The following PSMD9 variants were observed in gnomAD, a reference collection of about 807,000 sequenced individuals.
The protein encoded by PSMD9 is 26S proteasome non-ATPase regulatory subunit 9.
A neutral mutation model predicts 25.9 loss-of-function variants in PSMD9; 26 were observed. That is an observed-to-expected ratio of 1.00 (90% CI 0.73 to 1.39). PSMD9 has a LOEUF of 1.39. PSMD9 is among the 40% of genes most tolerant of loss of function. The pLI is 0.00. For missense variants in PSMD9, 303 were observed against 299.3 expected, an observed-to-expected ratio of 1.01 and a Z score of -0.09; for synonymous variants, 110 against 114.5, an observed-to-expected ratio of 0.96 and a Z score of 0.25.
chr12:121,892,026 C>CA (rs1317895814), intron 1 of PSMD9, among the ~76,000 whole-genome samples: 1 of 150,282 alleles, frequency 6.7e-6, no homozygotes, highest in Non-Finnish European at 1.5e-5. Flanking sequence ...GCACCAAAAA[C>CA]ACAAGCTACA....
At chr12:121,915,775 A>C in intron 4 of PSMD9, 81 bp from the exon 5 acceptor site, 2 of 1,234,704 alleles carry the variant, frequency 1.6e-6, no homozygotes, top group Non-Finnish European at 2.3e-6. Context: ...TTGATAGGCA[A>C]AAAATGGGAT....
chr12:121,907,171 G>A (rs1223438590), intron 4 of PSMD9, among the ~76,000 whole-genome samples: 4 of 151,640 alleles, frequency 2.6e-5, no homozygotes, highest in Non-Finnish European at 4.4e-5. Context: ...ACAGATTCAA[G>A]CGATTCTCCT....
chr12:121,906,886 A>AC (rs1405980952), intron 4 of PSMD9, among the ~76,000 whole-genome samples: 1 of 144,808 alleles, frequency 6.9e-6, no homozygotes, highest in Non-Finnish European at 1.6e-5. Context: ...GAATTGCTTG[A>AC]ACCCGGGAGG....
At chr12:121,906,775 C>T (rs1879567154) in intron 4 of PSMD9, among the ~76,000 whole-genome samples, 1 of 151,328 alleles carries the variant, frequency 6.6e-6, no homozygotes, top group Non-Finnish European at 1.5e-5. Context: ...GATCACGCCA[C>T]TGCACTCCAG....
intron 2 of PSMD9, among the ~76,000 whole-genome samples, chr12:121,896,408 T>C (rs144022655): frequency 0.019 from 2,918 of 151,764 alleles, 93 homozygotes; most frequent in African/African-American, 0.067. Context: ...AGGCAGAGGT[T>C]GCAAAGAGCC....
At chr12:121,913,868 G>A (rs993365322) in intron 4 of PSMD9, among the ~76,000 whole-genome samples, 3 of 151,572 alleles carry the variant, frequency 2.0e-5, no homozygotes, top group South Asian at 2.1e-4. Flanking sequence ...ATACATAGAA[G>A]TTTTAGATTT....
At chr12:121,912,081 C>T (rs370585609) in intron 4 of PSMD9, among the ~76,000 whole-genome samples, 1 of 149,762 alleles carries the variant, frequency 6.7e-6, no homozygotes, top group South Asian at 2.1e-4. Context: ...TCTCTGTTGC[C>T]AAGGCTGGAG....
intron 1 of PSMD9, among the ~76,000 whole-genome samples, chr12:121,891,801 G>A (rs973026037): frequency 2.6e-5 from 4 of 151,172 alleles, no homozygotes; most frequent in African/African-American, 4.9e-5. Flanking sequence ...AGCTACCCGG[G>A]AGGCTGATGC....
chr12:121,908,602 C>T (rs1466966364), intron 4 of PSMD9, among the ~76,000 whole-genome samples: 1 of 152,120 alleles, frequency 6.6e-6, no homozygotes, highest in Admixed American at 6.6e-5. Flanking sequence ...GGGTCCTTGC[C>T]TTGGGAGCAC....
chr12:121,898,175 A>C (rs1235157190), intron 2 of PSMD9: 1 of 152,208 alleles, frequency 6.6e-6, no homozygotes, highest in Non-Finnish European at 1.5e-5. Flanking sequence ...GAATCCCTTC[A>C]TGACTGAGGG....
In PSMD9 at chr12:121,917,622, G is replaced by A. The variant is rs770169672; in HGVS notation, c.*1311G>A. ...TTGGATACAGATACCAGCTTGCCTT[G>A]ATGGGATTGGTATTGCTGTGTGCTT... On this transcript the variant is annotated 3_prime_UTR_variant, in exon 6 of 6. Coordinates refer to ENST00000541212, the MANE Select transcript of PSMD9 (RefSeq NM_002813.7). 6.6e-6 allele frequency: 1 copy of A among 152,234 alleles called. No individual in the cohort carries two copies. The highest frequency in any genetic ancestry group is 2.1e-4 in the South Asian group (1 of 4,832). The allele number at this position is 152,234 out of a possible 1,614,324, so 9.4% of individuals were successfully genotyped here.
At chr12:121,909,830 T>A (rs1879666153) in intron 4 of PSMD9, among the ~76,000 whole-genome samples, 1 of 152,180 alleles carries the variant, frequency 6.6e-6, no homozygotes, top group African/African-American at 2.4e-5. Flanking sequence ...TGTTTGGCCG[T>A]AACAAACAGT....
In PSMD9 at chr12:121,915,933, A is replaced by G; in HGVS notation, c.633A>G (p.Lys211=). The change falls in exon 5 of 6, where the codon AAA becomes AAG. Residue 211 remains lysine (K), a synonymous_variant. Transcript: ENST00000541212. The stretch of plus-strand genomic sequence containing the variant: ...TTGTTCCAACACGCTGGGCAGGAAA[A>G]GGACTGCTGGGGTAAAGTATCTGTT... ...LRLVPTRWAG[K]GLLGCNIIPL... is the part of the protein sequence containing the mutation. The G allele has an allele frequency of 6.2e-7, 1 of 1,613,606 alleles. No individual in the cohort carries two copies. Among genetic ancestry groups the G allele is most frequent in the Non-Finnish European group, 8.5e-7 (1 of 1,179,750 alleles).
chr12:121,902,988 T>C lies in PSMD9; in HGVS notation c.454-18T>C. ...CTGAACCTCTAGCCTGATTTTCCAT[T>C]TTTCCTTCCCTCTCCAGGGTCTGCA... On this transcript the variant is annotated intron_variant, in intron 3 of 5. Coordinates refer to ENST00000541212, the MANE Select transcript of PSMD9 (RefSeq NM_002813.7). The C allele has an allele frequency of 6.2e-7, 1 of 1,608,184 alleles. No homozygotes were observed. Among genetic ancestry groups the C allele is most frequent in the Non-Finnish European group, 8.5e-7 (1 of 1,174,818 alleles).
intron 2 of PSMD9, chr12:121,897,486 G>C (rs1163745099): frequency 6.6e-6 from 1 of 152,258 alleles, no homozygotes; most frequent in Non-Finnish European, 1.5e-5. Context: ...TGGCCAGGCT[G>C]GTCTTGAACT....
intron 4 of PSMD9, chr12:121,907,982 A>T (rs1879610183): frequency 6.6e-6 from 1 of 152,174 alleles, no homozygotes; most frequent in Admixed American, 6.5e-5. Flanking sequence ...GGGTGCAGTA[A>T]GCCAAGGTCA....
At chr12:121,897,032 CAT>C (rs1032058951) in intron 2 of PSMD9, among the ~76,000 whole-genome samples, 3 of 151,996 alleles carry the variant, frequency 2.0e-5, no homozygotes, top group South Asian at 2.1e-4. Flanking sequence ...GCAAAATACA[CAT>C]ATGAGTGAAT....
intron 3 of PSMD9, chr12:121,902,201 T>C (rs1360693280): frequency 6.6e-6 from 1 of 152,238 alleles, no homozygotes; most frequent in Non-Finnish European, 1.5e-5. Context: ...CATTTCATCC[T>C]CGAGGAAAAG....
chr12:121,896,989 G>GTATA (rs1369979660), intron 2 of PSMD9, among the ~76,000 whole-genome samples: 1 of 132,810 alleles, frequency 7.5e-6, no homozygotes, highest in African/African-American at 2.6e-5. Context: ...ACACATACAT[G>GTATA]TGTATGTAAA....
Sources: allele counts gnomAD v4.1 joint callset (sites outside exome capture counted in the v4.1 genomes callset), GRCh38; gene constraint gnomAD v4.1.1; transcripts MANE v1.5; gene names NCBI Gene and HGNC (gene_info 2026-07-23, HGNC 2026-07-21).